Variants in CNOT10 observed in about 807,000 individuals in gnomAD.
CNOT10 encodes the protein CCR4-NOT transcription complex subunit 10.
In CNOT10, 30 loss-of-function variants were observed where a neutral mutation model predicts 94.6. The ratio of observed to expected loss-of-function variants is 0.32; its 90% CI spans 0.24 to 0.43. CNOT10 has a LOEUF of 0.43. Among genes scored for constraint, CNOT10 ranks in the 20% least tolerant of loss-of-function variants. The pLI, the probability that CNOT10 is intolerant of heterozygous loss-of-function variation, is 1.00. For synonymous variants in CNOT10, 289 were observed against 301.6 expected (o/e 0.96, Z 0.43); for missense variants, 759 against 877.2 (o/e 0.87, Z 1.70).
chr3:32,705,013 G>C, intron 3 of CNOT10, 41 bp downstream of exon 3: 1 of 1,304,646 alleles, frequency 7.7e-7, no homozygotes, highest in Non-Finnish European at 1.0e-6. Context: ...ATATTGTTCT[G>C]TTCTTTAATT....
intron 13 of CNOT10, among the ~76,000 whole-genome samples, chr3:32,747,783 A>G (rs552377139): frequency 4.9e-4 from 75 of 152,308 alleles, no homozygotes; most frequent in African/African-American, 6.0e-4. Context: ...CCCCGTCTCT[A>G]CTAAAAATAC....
chr3:32,750,314 G>A (rs1389361037), intron 13 of CNOT10, among the ~76,000 whole-genome samples: 2 of 151,970 alleles, frequency 1.3e-5, no homozygotes, highest in African/African-American at 4.8e-5. Flanking sequence ...GACCAATATG[G>A]TGAAACCCCA....
chr3:32,721,067 T>TC (rs1698381687), intron 8 of CNOT10, among the ~76,000 whole-genome samples: 1 of 139,634 alleles, frequency 7.2e-6, no homozygotes, highest in Non-Finnish European at 1.6e-5. Flanking sequence ...TTTCTTTTTT[T>TC]TTTTTTTTTT....
chr3:32,764,770 G>T lies in CNOT10; in HGVS notation c.1965G>T (p.Leu655=). The T allele has an allele frequency of 6.2e-7, 1 of 1,614,198 alleles. No individual in the cohort carries two copies. Among genetic ancestry groups the T allele is most frequent in the Non-Finnish European group, 8.5e-7 (1 of 1,180,036 alleles). The change falls in exon 17 of 19, where the codon CTG becomes CTT. Residue 655 remains leucine (L), a synonymous_variant. Transcript: ENST00000328834. ...MLFNLGSAYC[L]RSEYDKARKC... ...TCAACCTTGGCAGCGCTTACTGCCT[G>T]AGGAGCGAATATGACAAAGCCCGAA...
At chr3:32,740,606 C>T (rs968876477) in intron 13 of CNOT10, among the ~76,000 whole-genome samples, 1 of 149,970 alleles carries the variant, frequency 6.7e-6, no homozygotes, top group East Asian at 2.0e-4. Context: ...CTCATGCCTG[C>T]AATCCCAGCA....
At chr3:32,730,014 C>G (rs1245769396) in intron 10 of CNOT10, among the ~76,000 whole-genome samples, 1 of 151,726 alleles carries the variant, frequency 6.6e-6, no homozygotes, top group African/African-American at 2.4e-5. Flanking sequence ...GTGATCCGCC[C>G]GCCTCGGCCT....
Position 32,733,478 on chromosome 3 carries a change from T to C in CNOT10, c.1271T>C (p.Ile424Thr), listed in dbSNP as rs1247577362. ...LPSKKGIVQS[I>T]VGQGYHRKIV... is the part of the protein sequence containing the mutation. ...AGCAAAAAAGGAATTGTACAGTCTA[T>C]TGTTGGTCAAGGCTATCATCGTAAA... The change falls in exon 11 of 19, where the codon ATT (isoleucine) becomes ACT (threonine). Residue 424 changes from isoleucine (I) to threonine (T), a missense_variant. Transcript: ENST00000328834. The C allele has an allele frequency of 4.4e-6, 7 of 1,604,102 alleles. No homozygotes were observed. In the African/African-American group the frequency reaches 8.0e-5, roughly 18 times the overall value.
Position 32,737,454 on chromosome 3 carries a change from C to CTTCTCCAT in CNOT10, c.1561_1568dup (p.Leu523PhefsTer4). 1 of 1,611,890 alleles carries CTTCTCCAT rather than the reference C, an allele frequency of 6.2e-7. No homozygotes were observed. On this transcript the variant is annotated frameshift_variant, in exon 13 of 19. Coordinates refer to ENST00000328834, the MANE Select transcript of CNOT10 (RefSeq NM_015442.3). LOFTEE classifies it high-confidence loss of function. ...GATAAATTCATTCCAGCTCCACCTT[C>CTTCTCCAT]TTCTCCATTGAGAAAACAGGAATTA...
At chr3:32,696,373 G>A (rs908836592) in intron 1 of CNOT10, among the ~76,000 whole-genome samples, 3 of 151,884 alleles carry the variant, frequency 2.0e-5, no homozygotes, top group Non-Finnish European at 4.4e-5. Flanking sequence ...CAGGCTGGTA[G>A]TCATATACTG....
At chr3:32,711,304 T>A (rs1697880398) in intron 4 of CNOT10, among the ~76,000 whole-genome samples, 1 of 152,212 alleles carries the variant, frequency 6.6e-6, no homozygotes, top group South Asian at 2.1e-4. Context: ...AGTCTCTGTG[T>A]ATGTCCTCCT....
chr3:32,709,697 AGT>A (rs10601313), intron 4 of CNOT10, among the ~76,000 whole-genome samples: 5,966 of 152,240 alleles, frequency 0.039, 185 homozygotes, highest in African/African-American at 0.079. Flanking sequence ...GAGAGACACC[AGT>A]GGTAAGGGAT....
chr3:32,767,168 A>C (rs1700679272), intron 17 of CNOT10, among the ~76,000 whole-genome samples: 1 of 152,198 alleles, frequency 6.6e-6, no homozygotes, highest in African/African-American at 2.4e-5. Context: ...GAAGGCCCAC[A>C]TCCCCACATG....
chr3:32,749,650 T>C (rs1699870958), intron 13 of CNOT10, among the ~76,000 whole-genome samples: 2 of 152,260 alleles, frequency 1.3e-5, no homozygotes, highest in Non-Finnish European at 2.9e-5. Flanking sequence ...CTTTCGGTGA[T>C]CTGCCTGCCT....
At chr3:32,695,869 A>G (rs1472075474) in intron 1 of CNOT10, 1 of 1,469,546 alleles carries the variant, frequency 6.8e-7, no homozygotes, top group Non-Finnish European at 9.1e-7. Flanking sequence ...TTTTTAAAAC[A>G]TTAAAAAAAC....
intron 1 of CNOT10, among the ~76,000 whole-genome samples, chr3:32,690,550 A>C (rs1696805491): frequency 7.1e-6 from 1 of 141,456 alleles, no homozygotes; most frequent in South Asian, 2.3e-4. Context: ...GTATCCAGAT[A>C]ATTTTTTTTT....
At position 32,691,575 on chromosome 3, in the gene CNOT10, G is replaced by A. The variant is rs532629269; in HGVS notation, c.22+6093G>A. Among the ~76,000 whole-genome samples the A allele has an allele frequency of 3.9e-5, 6 of 152,224 alleles. No individual in the cohort carries two copies. In the South Asian group the frequency reaches 8.3e-4, roughly 21 times the overall value. On this transcript the variant is annotated intron_variant, in intron 1 of 18. Coordinates refer to ENST00000328834, the MANE Select transcript of CNOT10 (RefSeq NM_015442.3). ...GCCCGCCTCGGCCTCCCAAAGTGCC[G>A]ATGTGAGCCAACACACCTGGCTCTA...
intron 13 of CNOT10, chr3:32,753,873 CTGA>C (rs113099016): frequency 0.023 from 32,011 of 1,394,988 alleles, 634 homozygotes; most frequent in Middle Eastern, 0.068. Flanking sequence ...GAAATCAATC[CTGA>C]TGATATGGAA....
chr3:32,716,413 AG>A, intron 6 of CNOT10, 102 bp downstream of exon 6: 1 of 576,724 alleles, frequency 1.7e-6, no homozygotes, highest in Non-Finnish European at 3.1e-6. Context: ...CAATAATTCA[AG>A]GTGCATATAT....
intron 1 of CNOT10, among the ~76,000 whole-genome samples, chr3:32,685,985 C>T (rs1315133614): frequency 2.6e-5 from 4 of 152,028 alleles, no homozygotes; most frequent in Non-Finnish European, 5.9e-5. Flanking sequence ...GCTATGGTGC[C>T]CAGGCTGATC....
Sources: allele counts gnomAD v4.1 joint callset (sites outside exome capture counted in the v4.1 genomes callset), GRCh38; gene constraint gnomAD v4.1.1; transcripts MANE v1.5; gene names NCBI Gene and HGNC (gene_info 2026-07-23, HGNC 2026-07-21).